The following GABRR1 variants were observed in gnomAD, a reference collection of about 807,000 sequenced individuals.
The protein encoded by GABRR1 is gamma-aminobutyric acid type A receptor subunit rho1.
GABRR1 carries 59 observed loss-of-function variants against 55.5 expected under a neutral mutation model. The ratio of observed to expected loss-of-function variants is 1.06; its 90% CI spans 0.86 to 1.32. The LOEUF (loss-of-function observed/expected upper bound fraction) is 1.32, where lower values mean the gene tolerates loss of function less well. GABRR1 is among the 40% of genes most tolerant of loss of function. The probability of loss-of-function intolerance (pLI) is 0.00; values close to 1 mark genes in which losing one functional copy is unlikely to be tolerated. For missense variants in GABRR1, 602 were observed against 619.1 expected (o/e 0.97, Z 0.29); for synonymous variants, 213 against 226.0 (o/e 0.94, Z 0.51).
chr6:89,191,789 T>G (rs975409591), intron 5 of GABRR1, among the ~76,000 whole-genome samples: 1 of 152,210 alleles, frequency 6.6e-6, no homozygotes, highest in Non-Finnish European at 1.5e-5. Flanking sequence ...AAACCACACC[T>G]TAATTCAGAA....
intron 1 of GABRR1, among the ~76,000 whole-genome samples, chr6:89,223,772 T>C (rs1332711601): frequency 6.6e-6 from 1 of 151,846 alleles, no homozygotes; most frequent in Admixed American, 6.6e-5. Context: ...TGTGGGTTTT[T>C]TTTTTTTTTG....
chr6:89,224,386 C>T (rs534236314), intron 1 of GABRR1, among the ~76,000 whole-genome samples: 1 of 152,166 alleles, frequency 6.6e-6, no homozygotes, highest in Non-Finnish European at 1.5e-5. Context: ...GCCACCATGC[C>T]CAGCCTGCAT....
chr6:89,178,950 G>C lies in GABRR1; in HGVS notation c.1260C>G (p.Pro420=), dbSNP rs143144903. 3 of 1,614,054 alleles carry C rather than the reference G, an allele frequency of 1.9e-6. No individual in the cohort carries two copies. Among genetic ancestry groups the C allele is most frequent in the Admixed American group, 1.7e-5 (1 of 60,006 alleles). ...GGGTCAGCTGCACCATCATCCTGTC[G>C]GGCTTCTCTCCATTCTCTGGCATGT... ...DNYMPENGEK[P]DRMMVQLTLA... The change falls in exon 10 of 10, where the codon CCC becomes CCG. Residue 420 remains proline, a synonymous_variant. Transcript: ENST00000454853.
At chr6:89,211,676 G>A (rs1772838386) in intron 1 of GABRR1, among the ~76,000 whole-genome samples, 1 of 152,128 alleles carries the variant, frequency 6.6e-6, no homozygotes, top group Non-Finnish European at 1.5e-5. Flanking sequence ...TGATGGCACA[G>A]CCTGCATCTC....
At chr6:89,192,595 C>T (rs1160308908) in intron 5 of GABRR1, among the ~76,000 whole-genome samples, 1 of 145,700 alleles carries the variant, frequency 6.9e-6, no homozygotes, top group Non-Finnish European at 1.5e-5. Context: ...GACAGTCTCG[C>T]TCTGTCGCCC....
intron 5 of GABRR1, among the ~76,000 whole-genome samples, chr6:89,191,173 C>T (rs1772072845): frequency 6.6e-6 from 1 of 152,104 alleles, no homozygotes; most frequent in Non-Finnish European, 1.5e-5. Context: ...CATTTTTTCC[C>T]ACTGCTTTGA....
At chr6:89,206,076 C>T (rs1181121906) in intron 1 of GABRR1, among the ~76,000 whole-genome samples, 1 of 152,088 alleles carries the variant, frequency 6.6e-6, no homozygotes, top group African/African-American at 2.4e-5. Context: ...TCCTTCTCAA[C>T]ACCCCATGCC....
At chr6:89,221,874 C>G (rs1203527798), upstream of GABRR1, among the ~76,000 whole-genome samples, 1 of 152,126 alleles carries the variant, frequency 6.6e-6, no homozygotes, top group Non-Finnish European at 1.5e-5. Context: ...TATCGTCAAG[C>G]CTACTATTTA....
chr6:89,193,900 C>T (rs571441454), intron 5 of GABRR1, among the ~76,000 whole-genome samples: 12 of 152,138 alleles, frequency 7.9e-5, no homozygotes, highest in African/African-American at 2.4e-4. Flanking sequence ...TACACATCCC[C>T]GATGCTCCTC....
Position 89,199,367 on chromosome 6 carries a change from C to A in GABRR1, c.343G>T (p.Asp115Tyr). 1 of 1,613,838 alleles carries A rather than the reference C, an allele frequency of 6.2e-7. No individual in the cohort carries two copies. Among genetic ancestry groups the A allele is most frequent in the South Asian group, 1.1e-5 (1 of 90,986 alleles). The change falls in exon 4 of 10, where the codon GAC (aspartate) becomes TAC (tyrosine). Residue 115 changes from aspartate to tyrosine, a missense_variant. Asp to Tyr is a radical substitution (Grantham distance 160, BLOSUM62 -3). This residue lies in a region of GABRR1 where 435 missense variants were observed against 424.2 expected (regional missense o/e 1.03). Coordinates refer to ENST00000454853, the MANE Select transcript of GABRR1 (RefSeq NM_002042.5). ...VESLDSISEV[D>Y]MDFTMTLYLR... ...CTGGTCAGAGAAGCACTTACCATGTCAACCTCTGAGATGCTATCCAAACTC... is the reference window on the plus strand; with the variant it reads ...CTGGTCAGAGAAGCACTTACCATGTAAACCTCTGAGATGCTATCCAAACTC...
intron 7 of GABRR1, among the ~76,000 whole-genome samples, chr6:89,183,945 A>T (rs1488823007): frequency 6.6e-6 from 1 of 152,196 alleles, no homozygotes; most frequent in Non-Finnish European, 1.5e-5. Context: ...GATGTACTAA[A>T]ATCCTAGACT....
intron 1 of GABRR1, chr6:89,205,503 G>A (rs984490943): frequency 1.2e-4 from 18 of 152,224 alleles, no homozygotes; most frequent in Non-Finnish European, 1.5e-4. Flanking sequence ...TACATTTGTT[G>A]AACACCCACT....
intron 3 of GABRR1, among the ~76,000 whole-genome samples, 159 bp downstream of exon 3, chr6:89,201,000 T>C (rs1271333397): frequency 6.6e-6 from 1 of 152,082 alleles, no homozygotes; most frequent in African/African-American, 2.4e-5. Flanking sequence ...GCAAGACAGA[T>C]GCTCAAAATG....
intron 6 of GABRR1, among the ~76,000 whole-genome samples, chr6:89,188,300 A>AG (rs774835643): frequency 2.6e-5 from 4 of 152,216 alleles, no homozygotes; most frequent in Non-Finnish European, 5.9e-5. Context: ...CTGGGATTAC[A>AG]GGTATGAGCA....
At chr6:89,211,034 C>A (rs1004391716) in intron 1 of GABRR1, among the ~76,000 whole-genome samples, 4 of 152,014 alleles carry the variant, frequency 2.6e-5, no homozygotes, top group African/African-American at 9.7e-5. Context: ...GTGTTGTGAG[C>A]ATGGGAGCAG....
rs967752349 is a variant in GABRR1 at position 89,210,163 on chromosome 6, G to A, written c.123-6678C>T. ...TGAGGGGGTTTCTAAGGTCCTTGAA[G>A]GTCTGACATTCTGCAGCAATTTTTT... On this transcript the variant is annotated intron_variant, in intron 1 of 9. Transcript: ENST00000454853. 4.8e-4 allele frequency among the ~76,000 whole-genome samples: 71 copies of A among 147,824 alleles called. 1 individual carries two copies. The highest frequency in any genetic ancestry group is 8.6e-4 in the Non-Finnish European group (58 of 67,376).
chr6:89,210,524 C>T (rs1371006247), intron 1 of GABRR1, among the ~76,000 whole-genome samples: 1 of 152,090 alleles, frequency 6.6e-6, no homozygotes, highest in African/African-American at 2.4e-5. Context: ...TTGCATTCTA[C>T]AAAAGTGGTC....
intron 1 of GABRR1, among the ~76,000 whole-genome samples, chr6:89,230,618 G>A (rs1172926733): frequency 6.6e-6 from 1 of 152,084 alleles, no homozygotes; most frequent in African/African-American, 2.4e-5. Context: ...CAGTCTGCCG[G>A]TTCTCAGATC....
At chr6:89,203,754 C>T (rs893496753) in intron 1 of GABRR1, among the ~76,000 whole-genome samples, 40 of 152,184 alleles carry the variant, frequency 2.6e-4, no homozygotes, top group African/African-American at 9.2e-4. Flanking sequence ...TCTACCCGGG[C>T]GTGAAATGGA....
Sources: gnomAD v4.1 joint callset for allele counts (sites outside exome capture counted in the v4.1 genomes callset) on GRCh38, gnomAD v4.1.1 for gene constraint, gnomAD v4.1.1 regional missense constraint, MANE v1.5 for transcripts, NCBI Gene and HGNC (gene_info 2026-07-23, HGNC 2026-07-21) for gene names.